Variants in DMXL1 observed in about 807,000 individuals in gnomAD.
The protein encoded by DMXL1 is Dmx like 1.
Under a neutral mutation model 319.2 loss-of-function variants are expected in DMXL1, and 99 were observed. That is an observed-to-expected ratio of 0.31 (90% confidence interval 0.26 to 0.37). The LOEUF (loss-of-function observed/expected upper bound fraction) is 0.37. DMXL1 is among the 10% of genes least tolerant of loss of function. The pLI is 1.00. For synonymous variants in DMXL1, 1,385 were observed against 1,235.2 expected (o/e 1.12, Z -2.54); for missense variants, 3,745 against 3,595.6 (o/e 1.04, Z -1.06).
Position 119,078,469 on chromosome 5 carries a change from G to A in DMXL1, c.87+6813G>A, listed in dbSNP as rs192401736. 1.5e-3 allele frequency among the ~76,000 whole-genome samples: 231 copies of A among 151,866 alleles called. 2 individuals are homozygous for A. The highest frequency in any genetic ancestry group is 5.4e-3 in the African/African-American group (225 of 41,406). On this transcript the variant is annotated intron_variant, in intron 1 of 43. Transcript: ENST00000539542. Reference sequence around the variant, plus strand: ...AGATATTTATTTTATTTATTTTTTTGAGACAGAGTCTTGCTCTGTCACACA... The same window carrying A: ...AGATATTTATTTTATTTATTTTTTTAAGACAGAGTCTTGCTCTGTCACACA...
intron 5 of DMXL1, among the ~76,000 whole-genome samples, chr5:119,110,875 A>C (rs190752214): frequency 2.7e-4 from 41 of 152,032 alleles, no homozygotes; most frequent in Non-Finnish European, 5.4e-4. Flanking sequence ...TGCAACCTCC[A>C]CCTCCCTGGT....
At chr5:119,217,730 T>C (rs535289457) in intron 35 of DMXL1, among the ~76,000 whole-genome samples, 2 of 152,324 alleles carry the variant, frequency 1.3e-5, no homozygotes, top group African/African-American at 2.4e-5. Flanking sequence ...TTAAATGTTA[T>C]GTAGATACAT....
At chr5:119,124,774 C>CA (rs1026346702) in intron 9 of DMXL1, among the ~76,000 whole-genome samples, 18 of 151,962 alleles carry the variant, frequency 1.2e-4, no homozygotes, top group African/African-American at 4.3e-4. Context: ...CCATGTTGGC[C>CA]AGGCTGGTCT....
chr5:119,247,573 A>G lies in DMXL1; in HGVS notation c.*354A>G, dbSNP rs926886141. 5 of 162,594 alleles carry G rather than the reference A, an allele frequency of 3.1e-5. No homozygotes were observed. Among genetic ancestry groups the G allele is most frequent in the African/African-American group, 7.2e-5 (3 of 41,718 alleles). The allele number at this position is 162,594 out of a possible 1,614,324, so 10.1% of individuals were successfully genotyped here. Reference sequence around the variant, plus strand: ...TAAAAATACGTTTTTTGTAAAGGCAATTGTACATAATACTCATCACTTAAT... The same window carrying G: ...TAAAAATACGTTTTTTGTAAAGGCAGTTGTACATAATACTCATCACTTAAT... On this transcript the variant is annotated 3_prime_UTR_variant, in exon 44 of 44. Coordinates refer to ENST00000539542, the MANE Select transcript of DMXL1 (RefSeq NM_001290321.3).
rs1774400546 is a variant in DMXL1 at position 119,170,835 on chromosome 5, A to G, written c.6044A>G (p.Asp2015Gly). The change falls in exon 24 of 44, where the codon GAC (aspartate) becomes GGC (glycine). Residue 2015 changes from aspartate (D) to glycine (G), a missense_variant. Physicochemically the swap from Asp to Gly is moderately conservative, Grantham distance 94. This residue lies in a region of DMXL1 where 1,382 missense variants were observed against 1,269.5 expected (regional missense o/e 1.09). Coordinates refer to ENST00000539542, the MANE Select transcript of DMXL1 (RefSeq NM_001290321.3). ...TESFSTLDEN[D>G]LLNPSEDIIA... ...TCTTTCAGCACACTAGATGAAAATG[A>G]CCTTTTAAATCCATCAGAAGATATA... The G allele has an allele frequency of 6.2e-7, 1 of 1,611,996 alleles. No homozygotes were observed. The highest frequency in any genetic ancestry group is 8.5e-7 in the Non-Finnish European group (1 of 1,179,592).
rs1765322101 is a variant in DMXL1 at position 119,133,245 on chromosome 5, C to G, written c.1429C>G (p.His477Asp). 1 of 1,614,164 alleles carries G rather than the reference C, an allele frequency of 6.2e-7. No homozygotes were observed. The change falls in exon 11 of 44, where the codon CAT becomes GAT. Residue 477 changes from histidine (H) to aspartate (D), a missense_variant. Transcript: ENST00000539542. ...ATCATTATCGTCAGCTGCCATTGAT[C>G]ATCAGATTGAAGTACTTCTGTCTGA... ...FTSLSSAAIDHQIEVLLSEWS... is the reference protein window; with the variant it reads ...FTSLSSAAIDDQIEVLLSEWS...
At chr5:119,124,238 C>T (rs1762971387) in intron 9 of DMXL1, among the ~76,000 whole-genome samples, 1 of 151,238 alleles carries the variant, frequency 6.6e-6, no homozygotes, top group African/African-American at 2.4e-5. Flanking sequence ...TTGCTTGAAC[C>T]TGGAAGGCAG....
rs759899406 is a variant in DMXL1, at chr5:119,149,155, A to G, written c.3328A>G (p.Ile1110Val). Residue 1110 changes from isoleucine to valine, a missense_variant, in exon 18 of 44, where the codon ATT (isoleucine) becomes GTT (valine). Around this residue, in one of 4 missense-constraint regions of DMXL1, gnomAD observed 2,096 missense variants for 1,985.4 expected, o/e 1.06. Coordinates refer to ENST00000539542, the MANE Select transcript of DMXL1 (RefSeq NM_001290321.3). Reference protein sequence around the residue: ...DELSTVLDSGISVDSNLVAYN... With the variant: ...DELSTVLDSGVSVDSNLVAYN... Reference sequence around the variant, plus strand: ...GTTAAGCACAGTATTGGATTCTGGCATTAGTGTTGATAGCAATTTAGTGGC... The same window carrying G: ...GTTAAGCACAGTATTGGATTCTGGCGTTAGTGTTGATAGCAATTTAGTGGC... 3.7e-6 allele frequency: 6 copies of G among 1,613,836 alleles called. No homozygotes were observed. Among genetic ancestry groups the G allele is most frequent in the South Asian group, 3.3e-5 (3 of 91,088 alleles).
intron 38 of DMXL1, among the ~76,000 whole-genome samples, chr5:119,230,797 A>G (rs1031989004): frequency 3.3e-5 from 5 of 152,130 alleles, no homozygotes; most frequent in Admixed American, 2.6e-4. Flanking sequence ...CAGGAGAATC[A>G]CTTGAACCCA....
Position 119,175,288 on chromosome 5 carries a change from T to A in DMXL1, c.6709T>A (p.Ser2237Thr). ...GTATGTAATGCATACTTTAGCAGCT[T>A]CACTTTCTGCTTGTATTTATCAGTG... ...KVYVMHTLAASLSACIYQCLC... is the reference protein window; with the variant it reads ...KVYVMHTLAATLSACIYQCLC... The change falls in exon 26 of 44, where the codon TCA becomes ACA. Residue 2237 changes from serine to threonine, a missense_variant. Transcript: ENST00000539542. 6.2e-7 allele frequency: 1 copy of A among 1,612,050 alleles called. No individual in the cohort carries two copies. Among genetic ancestry groups the A allele is most frequent in the Non-Finnish European group, 8.5e-7 (1 of 1,179,118 alleles).
At chr5:119,074,922 T>C (rs74589253) in intron 1 of DMXL1, among the ~76,000 whole-genome samples, 7 of 152,248 alleles carry the variant, frequency 4.6e-5, no homozygotes, top group Admixed American at 4.6e-4. Context: ...GTTATACTCT[T>C]GGAATTTCTT....
At chr5:119,143,683 T>A (rs1222519352) in intron 13 of DMXL1, among the ~76,000 whole-genome samples, 158 bp from the exon 14 acceptor site, 2 of 151,992 alleles carry the variant, frequency 1.3e-5, no homozygotes, top group Non-Finnish European at 2.9e-5. Flanking sequence ...TTAATTCCTA[T>A]AAAGACTAAA....
intron 28 of DMXL1, among the ~76,000 whole-genome samples, chr5:119,181,882 G>A (rs1776846201): frequency 6.6e-6 from 1 of 152,070 alleles, no homozygotes; most frequent in South Asian, 2.1e-4. Context: ...AAGAAGCGAA[G>A]GTCCTGTGGA....
chr5:119,234,923 A>C (rs1447659256), intron 39 of DMXL1, among the ~76,000 whole-genome samples: 1 of 152,114 alleles, frequency 6.6e-6, no homozygotes, highest in African/African-American at 2.4e-5. Context: ...ACTATTTTTC[A>C]GCTTTAACAC....
chr5:119,219,312 A>G (rs890401605), intron 35 of DMXL1, among the ~76,000 whole-genome samples: 4 of 152,176 alleles, frequency 2.6e-5, no homozygotes, highest in Non-Finnish European at 4.4e-5. Flanking sequence ...TAGTTATACA[A>G]ACATCCTGGC....
At chr5:119,192,757 C>T (rs911011564) in intron 29 of DMXL1, among the ~76,000 whole-genome samples, 7 of 152,012 alleles carry the variant, frequency 4.6e-5, no homozygotes, top group Non-Finnish European at 8.8e-5. Context: ...CCTTCATAAT[C>T]TTCTTTCTTC....
chr5:119,206,334 T>G (rs1454908062), intron 33 of DMXL1, among the ~76,000 whole-genome samples: 2 of 152,116 alleles, frequency 1.3e-5, no homozygotes, highest in Admixed American at 6.6e-5. Context: ...GTGTATGTGC[T>G]TCCCAGCAAT....
chr5:119,104,432 G>A (rs1757906136), intron 3 of DMXL1, among the ~76,000 whole-genome samples: 4 of 152,118 alleles, frequency 2.6e-5, no homozygotes, highest in African/African-American at 4.8e-5. Flanking sequence ...CACAGGTCTC[G>A]GAAATTTGAA....
At chr5:119,210,925 A>T (rs1489892743) in intron 34 of DMXL1, among the ~76,000 whole-genome samples, 1 of 150,634 alleles carries the variant, frequency 6.6e-6, no homozygotes, top group South Asian at 2.1e-4. Context: ...GATGCCCTTT[A>T]TAAGTTTGAG....
Sources: gnomAD v4.1 joint callset for allele counts (sites outside exome capture counted in the v4.1 genomes callset) on GRCh38, gnomAD v4.1.1 for gene constraint, gnomAD v4.1.1 regional missense constraint, MANE v1.5 for transcripts, NCBI Gene and HGNC (gene_info 2026-07-23, HGNC 2026-07-21) for gene names.